The following GALNT13 variants were observed in gnomAD, a reference collection of about 807,000 sequenced individuals.
The protein encoded by GALNT13 is UDP-GalNAc:polypeptide N-acetylgalactosaminyltransferase 13.
Under a neutral mutation model 64.2 loss-of-function variants are expected in GALNT13, and 28 were observed. The ratio of observed to expected loss-of-function variants is 0.44; its 90% CI spans 0.32 to 0.60. The LOEUF is 0.60. Among genes scored for constraint, GALNT13 ranks in the 20% least tolerant of loss-of-function variants. GALNT13 has a pLI of 0.05. For missense variants in GALNT13, 577 were observed against 669.8 expected (o/e 0.86, Z 1.53); for synonymous variants, 214 against 224.6 (o/e 0.95, Z 0.42).
intron 4 of GALNT13, among the ~76,000 whole-genome samples, chr2:154,183,885 C>A (rs1375672687): frequency 6.6e-6 from 1 of 151,524 alleles, no homozygotes; most frequent in East Asian, 1.9e-4. Flanking sequence ...GATTAGTATT[C>A]TTTTTCTAGT....
chr2:153,712,859 G>T, the GALNT13 span, among the ~76,000 whole-genome samples: 1 of 152,224 alleles, frequency 6.6e-6, no homozygotes, highest in Admixed American at 6.5e-5. Flanking sequence ...AGCTATCTGT[G>T]TCCCATAGAG....
intron 8 of GALNT13, among the ~76,000 whole-genome samples, chr2:154,298,647 ATTGTATATACAATTTATATATAC>A (rs1693169239): frequency 1.1e-5 from 1 of 88,868 alleles, no homozygotes; most frequent in African/African-American, 4.4e-5. Flanking sequence ...TTATATATAC[ATTGTATATACAATTTATATATAC>A]ATTGTATATA....
intron 9 of GALNT13, among the ~76,000 whole-genome samples, chr2:154,387,806 CTT>C (rs1330211929): frequency 2.0e-5 from 3 of 152,136 alleles, no homozygotes; most frequent in Non-Finnish European, 2.9e-5. Context: ...ACAACACTCT[CTT>C]TATCTGTTCA....
At chr2:153,773,604 T>C in the GALNT13 span, among the ~76,000 whole-genome samples, 120 of 152,288 alleles carry the variant, frequency 7.9e-4, no homozygotes, top group African/African-American at 2.8e-3. Flanking sequence ...TTTTCTCTTT[T>C]CCCTTACTTT....
the GALNT13 span, among the ~76,000 whole-genome samples, chr2:153,701,752 G>C: frequency 6.6e-6 from 1 of 152,126 alleles, no homozygotes; most frequent in Non-Finnish European, 1.5e-5. Flanking sequence ...CTAATCATTA[G>C]AGAAATGCAA....
At chr2:153,999,771 A>G (rs1353792615) in intron 3 of GALNT13, among the ~76,000 whole-genome samples, 1 of 151,796 alleles carries the variant, frequency 6.6e-6, no homozygotes, top group Admixed American at 6.6e-5. Flanking sequence ...ACTGGCCTGT[A>G]GTTTGTTTTG....
chr2:153,630,953 C>T, the GALNT13 span, among the ~76,000 whole-genome samples: 1 of 150,780 alleles, frequency 6.6e-6, no homozygotes, highest in East Asian at 2.0e-4. Flanking sequence ...AGTGCTATGC[C>T]TCCCCACTCC....
At chr2:153,160,245 G>T in the GALNT13 span, among the ~76,000 whole-genome samples, 1 of 152,152 alleles carries the variant, frequency 6.6e-6, no homozygotes, top group Non-Finnish European at 1.5e-5. Flanking sequence ...TATTTATTGA[G>T]TGCCTCTGAT....
chr2:153,868,182 T>A (rs1485791413), upstream of GALNT13, among the ~76,000 whole-genome samples: 1 of 152,154 alleles, frequency 6.6e-6, no homozygotes, highest in African/African-American at 2.4e-5. Flanking sequence ...TCCTAGTAAA[T>A]AACTGTCATT....
At chr2:154,148,096 C>A (rs1428037189) in intron 4 of GALNT13, among the ~76,000 whole-genome samples, 1 of 151,982 alleles carries the variant, frequency 6.6e-6, no homozygotes, top group East Asian at 1.9e-4. Context: ...CCACAACAGT[C>A]CCCAGAGTGT....
the GALNT13 span, among the ~76,000 whole-genome samples, chr2:153,376,010 G>T: frequency 6.6e-6 from 1 of 151,984 alleles, no homozygotes; most frequent in South Asian, 2.1e-4. Flanking sequence ...GCTGTCATGG[G>T]AACTAACAGA....
chr2:153,991,677 A>G (rs1695165171), intron 3 of GALNT13, among the ~76,000 whole-genome samples: 1 of 152,170 alleles, frequency 6.6e-6, no homozygotes, highest in African/African-American at 2.4e-5. Context: ...ATTACACTGT[A>G]TTTTGTTAAA....
At chr2:153,642,779 T>G in the GALNT13 span, among the ~76,000 whole-genome samples, 1 of 151,844 alleles carries the variant, frequency 6.6e-6, no homozygotes, top group African/African-American at 2.4e-5. Flanking sequence ...CACATCTCAT[T>G]TTATTGTAAC....
the GALNT13 span, among the ~76,000 whole-genome samples, chr2:153,828,491 C>T: frequency 1.3e-5 from 2 of 152,140 alleles, no homozygotes; most frequent in African/African-American, 4.8e-5. Context: ...AAGCCAGGGC[C>T]CAAGTTGTAC....
chr2:154,300,093 T>A (rs1294494036), intron 8 of GALNT13, among the ~76,000 whole-genome samples: 1 of 94,340 alleles, frequency 1.1e-5, no homozygotes, highest in Admixed American at 1.7e-4. Flanking sequence ...TTTTCTTTCT[T>A]TCTCTCTTTT....
At chr2:154,094,275 A>T (rs1701966561) in intron 3 of GALNT13, among the ~76,000 whole-genome samples, 1 of 151,940 alleles carries the variant, frequency 6.6e-6, no homozygotes, top group African/African-American at 2.4e-5. Context: ...ATAGGTGCAG[A>T]TCGTGAAAGG....
At chr2:153,383,198 G>A in the GALNT13 span, among the ~76,000 whole-genome samples, 3 of 151,914 alleles carry the variant, frequency 2.0e-5, no homozygotes, top group Admixed American at 6.6e-5. Context: ...AGGTTTCTGG[G>A]GGAAAAATAC....
At chr2:153,218,342 T>C in the GALNT13 span, among the ~76,000 whole-genome samples, 1 of 152,206 alleles carries the variant, frequency 6.6e-6, no homozygotes, top group African/African-American at 2.4e-5. Context: ...GATTATAACT[T>C]AATCCTTAGT....
chr2:153,967,912 C>CT (rs1221908540), intron 3 of GALNT13, among the ~76,000 whole-genome samples: 1 of 152,076 alleles, frequency 6.6e-6, no homozygotes, highest in African/African-American at 2.4e-5. Context: ...GAATTAGGCA[C>CT]TTCAGAAATC....
Sources: allele counts gnomAD v4.1 joint callset (sites outside exome capture counted in the v4.1 genomes callset), GRCh38; gene constraint gnomAD v4.1.1; transcripts MANE v1.5; gene names NCBI Gene and HGNC (gene_info 2026-07-23, HGNC 2026-07-21).